UBE2E3: variants seen among roughly 807,000 people sequenced by gnomAD.
The protein encoded by UBE2E3 is ubiquitin conjugating enzyme E2 E3, also known as ubiquitin-conjugating enzyme E2 E3.
A neutral mutation model predicts 23.6 loss-of-function variants in UBE2E3; 5 were observed. The ratio of observed to expected loss-of-function variants is 0.21; its 90% confidence interval spans 0.11 to 0.44. The LOEUF (loss-of-function observed/expected upper bound fraction) is 0.44. UBE2E3 is among the 20% of genes least tolerant of loss of function. The pLI, the probability that UBE2E3 is intolerant of heterozygous loss-of-function variation, is 0.99. For synonymous variants in UBE2E3, 78 were observed against 87.5 expected, an observed-to-expected ratio of 0.89 and a Z score of 0.60; for missense variants, 81 against 249.8, an observed-to-expected ratio of 0.32 and a Z score of 4.55.
intron 3 of UBE2E3, among the ~76,000 whole-genome samples, chr2:180,998,778 T>C (rs1684906082): frequency 6.6e-6 from 1 of 151,926 alleles, no homozygotes; most frequent in South Asian, 2.1e-4. Flanking sequence ...TTGGAGGAGC[T>C]CAAAGCAACA....
intron 2 of UBE2E3, 73 bp downstream of exon 2, chr2:180,982,309 T>G: frequency 7.4e-7 from 1 of 1,347,626 alleles, no homozygotes; most frequent in South Asian, 1.3e-5. Flanking sequence ...TTTGTTGGTT[T>G]TACCTCAATA....
At chr2:181,002,249 CAATT>C (rs1334138859) in intron 3 of UBE2E3, among the ~76,000 whole-genome samples, 2 of 152,086 alleles carry the variant, frequency 1.3e-5, no homozygotes, top group African/African-American at 2.4e-5. Context: ...TACTAGTACA[CAATT>C]AACAATATAA....
chr2:181,011,617 A>G (rs1045068332), intron 3 of UBE2E3, among the ~76,000 whole-genome samples: 1 of 152,200 alleles, frequency 6.6e-6, no homozygotes, highest in Non-Finnish European at 1.5e-5. Flanking sequence ...GAACGATGGT[A>G]TAGAAGTGCC....
chr2:181,040,627 C>A (rs12989967), intron 3 of UBE2E3, among the ~76,000 whole-genome samples: 22,196 of 151,986 alleles, frequency 0.15, 2,018 homozygotes, highest in Middle Eastern at 0.25. Flanking sequence ...AGGTATACTA[C>A]AAATTATAGG....
At chr2:181,006,398 C>G (rs1685148014) in intron 3 of UBE2E3, among the ~76,000 whole-genome samples, 1 of 150,774 alleles carries the variant, frequency 6.6e-6, no homozygotes, top group Non-Finnish European at 1.5e-5. Context: ...TTGTTGCCTT[C>G]CACCTTTTGC....
chr2:181,061,795 GACTT>G (rs951943929), intron 5 of UBE2E3, among the ~76,000 whole-genome samples: 7 of 144,526 alleles, frequency 4.8e-5, no homozygotes, highest in South Asian at 2.1e-4. Flanking sequence ...TTTTTAAGTT[GACTT>G]ACTTCTAAAT....
At chr2:181,003,884 C>T (rs565097694) in intron 3 of UBE2E3, among the ~76,000 whole-genome samples, 6 of 152,220 alleles carry the variant, frequency 3.9e-5, no homozygotes, top group African/African-American at 1.4e-4. Context: ...TCTGCATTCT[C>T]TCAGGAAGAT....
chr2:181,008,734 G>C (rs1301401867), intron 3 of UBE2E3, among the ~76,000 whole-genome samples: 1 of 152,174 alleles, frequency 6.6e-6, no homozygotes, highest in African/African-American at 2.4e-5. Context: ...GCTTAGAGCA[G>C]GTCAGAGAGC....
chr2:181,000,996 C>G (rs1384803448), intron 3 of UBE2E3, among the ~76,000 whole-genome samples: 1 of 152,178 alleles, frequency 6.6e-6, no homozygotes, highest in Non-Finnish European at 1.5e-5. Flanking sequence ...ATCATCAACT[C>G]ATATCAGTAA....
chr2:181,033,744 A>G (rs1161377231), intron 3 of UBE2E3, among the ~76,000 whole-genome samples: 4 of 152,196 alleles, frequency 2.6e-5, no homozygotes, highest in Admixed American at 6.5e-5. Context: ...TGAACAGGCA[A>G]CCTACAGAAT....
chr2:181,006,569 T>C (rs2105600553), intron 3 of UBE2E3, among the ~76,000 whole-genome samples: 1 of 152,272 alleles, frequency 6.6e-6, no homozygotes, highest in East Asian at 1.9e-4. Flanking sequence ...ATTAGGAACA[T>C]GCTAAATATT....
chr2:181,027,290 A>G (rs1011956452), intron 3 of UBE2E3, among the ~76,000 whole-genome samples: 8 of 152,066 alleles, frequency 5.3e-5, no homozygotes, highest in Non-Finnish European at 1.2e-4. Context: ...CAAGTGTGGG[A>G]AAGTGTTATA....
intron 3 of UBE2E3, among the ~76,000 whole-genome samples, chr2:181,036,678 C>G (rs2105657411): frequency 6.6e-6 from 1 of 152,326 alleles, no homozygotes; most frequent in East Asian, 1.9e-4. Flanking sequence ...TGCTGGAACT[C>G]TTCAGCCACC....
intron 3 of UBE2E3, among the ~76,000 whole-genome samples, chr2:180,988,513 A>T (rs1238219492): frequency 7.2e-5 from 11 of 152,216 alleles, no homozygotes; most frequent in Non-Finnish European, 1.2e-4. Context: ...AACAATTTTT[A>T]GATGAGTAAT....
At position 181,041,234 on chromosome 2, in the gene UBE2E3, C is replaced by CAAAAAAAAAA. The variant is rs1206207155; in HGVS notation, c.246-16449_246-16440dup. On this transcript the variant is annotated intron_variant, in intron 3 of 5. Transcript: ENST00000410062. Reference sequence around the variant, plus strand: ...CTAACGACAGAGCAAGACTCCGTCTCAAAAAAAAAAAAAAAAAAAGATAGA... The same window carrying CAAAAAAAAAA: ...CTAACGACAGAGCAAGACTCCGTCTCAAAAAAAAAAAAAAAAAAAAAAAAAAAAAGATAGA... Among the ~76,000 whole-genome samples, 49 of 77,168 alleles carry CAAAAAAAAAA rather than the reference C, an allele frequency of 6.3e-4. 7 individuals carry two copies. The highest frequency in any genetic ancestry group is 9.3e-3 in the Middle Eastern group (1 of 108). 50.6% of individuals were successfully genotyped at this position (77,168 alleles called of 152,430 possible).
At chr2:181,057,943 A>G (rs770847644) in intron 4 of UBE2E3, 118 bp downstream of exon 4, 8 of 1,107,600 alleles carry the variant, frequency 7.2e-6, no homozygotes, top group Non-Finnish European at 1.0e-5. Flanking sequence ...TCATGGATTG[A>G]TATGGAAATT....
intron 5 of UBE2E3, among the ~76,000 whole-genome samples, chr2:181,061,894 T>C (rs1300223888): frequency 6.6e-6 from 1 of 151,630 alleles, no homozygotes; most frequent in Non-Finnish European, 1.5e-5. Flanking sequence ...CAGATGGATA[T>C]TCATTGTGGT....
At chr2:181,044,444 A>C (rs868432165) in intron 3 of UBE2E3, among the ~76,000 whole-genome samples, 1 of 152,148 alleles carries the variant, frequency 6.6e-6, no homozygotes, top group Non-Finnish European at 1.5e-5. Context: ...CCCAGATCAT[A>C]AGGGATAGAA....
At chr2:181,062,338 G>C (rs1687182670) in intron 5 of UBE2E3, among the ~76,000 whole-genome samples, 1 of 151,600 alleles carries the variant, frequency 6.6e-6, no homozygotes, top group Non-Finnish European at 1.5e-5. Flanking sequence ...TGTAAATATT[G>C]ATAGTGATTA....
Sources: allele counts gnomAD v4.1 joint callset (sites outside exome capture counted in the v4.1 genomes callset), GRCh38; gene constraint gnomAD v4.1.1; transcripts MANE v1.5; gene names NCBI Gene and HGNC (gene_info 2026-07-23, HGNC 2026-07-21).